Variants in CAMTA1 observed in about 807,000 individuals in gnomAD.
The protein encoded by CAMTA1 is calmodulin-binding transcription activator 1.
In CAMTA1, 27 loss-of-function variants were observed where a neutral mutation model predicts 170.9. That is an observed-to-expected ratio of 0.16 (90% CI 0.12 to 0.22). CAMTA1 has a LOEUF of 0.22. Among genes scored for constraint, CAMTA1 ranks in the 10% least tolerant of loss-of-function variants. The probability of loss-of-function intolerance (pLI) is 1.00; values close to 1 mark genes in which losing one functional copy is unlikely to be tolerated. For missense variants in CAMTA1, 1,619 were observed against 2,217.2 expected (o/e 0.73, Z 5.42); for synonymous variants, 833 against 891.5 (o/e 0.93, Z 1.17).
chr1:7,371,258 TG>T (rs2086446579), intron 5 of CAMTA1, among the ~76,000 whole-genome samples: 5 of 147,202 alleles, frequency 3.4e-5, no homozygotes, highest in Non-Finnish European at 6.0e-5. Context: ...TTTGTTTGTT[TG>T]TTTGTTTGTT....
At chr1:7,139,197 TATA>T (rs1020197123) in intron 4 of CAMTA1, among the ~76,000 whole-genome samples, 9 of 142,538 alleles carry the variant, frequency 6.3e-5, no homozygotes, top group East Asian at 2.0e-4. Flanking sequence ...AAATTATATT[TATA>T]ATATTTATAA....
chr1:7,310,644 CTTTT>C (rs752527605), intron 5 of CAMTA1, among the ~76,000 whole-genome samples: 1 of 61,346 alleles, frequency 1.6e-5, no homozygotes, highest in East Asian at 4.4e-4. Context: ...TTCTTTCTTT[CTTTT>C]TTCTTTCTTT....
intron 3 of CAMTA1, among the ~76,000 whole-genome samples, chr1:6,872,893 G>A (rs1668792563): frequency 6.6e-6 from 1 of 152,182 alleles, no homozygotes; most frequent in African/African-American, 2.4e-5. Flanking sequence ...CACAGCTGAA[G>A]CTGCTAAATG....
At chr1:7,336,197 C>G (rs2083373681) in intron 5 of CAMTA1, among the ~76,000 whole-genome samples, 1 of 152,184 alleles carries the variant, frequency 6.6e-6, no homozygotes. Flanking sequence ...AGTGAGCCCA[C>G]CTGGTCCCCC....
chr1:7,698,079 C>G (rs1035055878), intron 11 of CAMTA1, among the ~76,000 whole-genome samples: 6 of 139,128 alleles, frequency 4.3e-5, no homozygotes, highest in Middle Eastern at 3.5e-3. Flanking sequence ...CTGTGACCCC[C>G]CCCCCCCCCA....
intron 11 of CAMTA1, among the ~76,000 whole-genome samples, chr1:7,721,160 C>A (rs796484096): frequency 1.6e-4 from 24 of 152,268 alleles, no homozygotes; most frequent in African/African-American, 5.3e-4. Context: ...AGGAATGACA[C>A]CTAGGAAAAG....
intron 6 of CAMTA1, among the ~76,000 whole-genome samples, chr1:7,510,714 ACT>A (rs2094191814): frequency 1.4e-5 from 2 of 145,678 alleles, no homozygotes; most frequent in Non-Finnish European, 3.1e-5. Context: ...CTTTCCAGAA[ACT>A]CACATAAAAT....
chr1:7,182,908 A>G (rs1468362057), intron 4 of CAMTA1, among the ~76,000 whole-genome samples: 1 of 152,216 alleles, frequency 6.6e-6, no homozygotes, highest in Non-Finnish European at 1.5e-5. Context: ...AGATTGGCAA[A>G]CATGAAAAAG....
chr1:7,089,643 A>G (rs1641228608), intron 3 of CAMTA1, among the ~76,000 whole-genome samples: 1 of 148,972 alleles, frequency 6.7e-6, no homozygotes, highest in Non-Finnish European at 1.5e-5. Context: ...GTGCCTCAGG[A>G]CACTGTTAAG....
At chr1:7,428,535 C>T (rs2091986588) in intron 5 of CAMTA1, among the ~76,000 whole-genome samples, 1 of 152,084 alleles carries the variant, frequency 6.6e-6, no homozygotes, top group Non-Finnish European at 1.5e-5. Context: ...GATGCCTTCC[C>T]GCATAGGTGA....
chr1:7,415,019 C>T (rs1310135843), intron 5 of CAMTA1, among the ~76,000 whole-genome samples: 2 of 151,212 alleles, frequency 1.3e-5, no homozygotes, highest in African/African-American at 4.8e-5. Flanking sequence ...GTTATGTACC[C>T]AGTAGTCATT....
chr1:6,870,939 T>C (rs1668238873), intron 3 of CAMTA1, among the ~76,000 whole-genome samples: 1 of 152,244 alleles, frequency 6.6e-6, no homozygotes, highest in Non-Finnish European at 1.5e-5. Context: ...AACCATTAAT[T>C]ATAGTGCTTA....
intron 4 of CAMTA1, among the ~76,000 whole-genome samples, chr1:7,117,878 C>G (rs1644425935): frequency 6.6e-6 from 1 of 152,202 alleles, no homozygotes; most frequent in Non-Finnish European, 1.5e-5. Flanking sequence ...GCTGTCCCTA[C>G]CAGGCCTGCC....
rs1319233672 is a variant in CAMTA1, at chr1:7,245,201, GTA to G, written c.303-4276_303-4275del. Among the ~76,000 whole-genome samples, 735 of 146,922 alleles carry G rather than the reference GTA, an allele frequency of 5.0e-3. 4 individuals are homozygous for G. The highest frequency in any genetic ancestry group is 0.014 in the African/African-American group (547 of 40,044). On this transcript the variant is annotated intron_variant, in intron 4 of 22. Transcript: ENST00000303635. ...AAGATATATATATATATGTGTGTGT[GTA>G]TATATATATATATCACACACACACA...
At chr1:7,277,646 G>A (rs1046189022) in intron 5 of CAMTA1, among the ~76,000 whole-genome samples, 1 of 151,912 alleles carries the variant, frequency 6.6e-6, no homozygotes, top group Non-Finnish European at 1.5e-5. Flanking sequence ...CTTCTTTATG[G>A]TTTGAAAATG....
At chr1:6,788,081 T>C (rs915095736) in intron 1 of CAMTA1, among the ~76,000 whole-genome samples, 16 of 152,180 alleles carry the variant, frequency 1.1e-4, no homozygotes, top group African/African-American at 3.9e-4. Context: ...GGAACGTTAT[T>C]CTTCAAGTTC....
intron 6 of CAMTA1, among the ~76,000 whole-genome samples, chr1:7,558,344 A>G (rs907917618): frequency 6.6e-6 from 1 of 152,150 alleles, no homozygotes; most frequent in African/African-American, 2.4e-5. Flanking sequence ...CAAGGCCGCC[A>G]GGGTTGAAGG....
intron 5 of CAMTA1, among the ~76,000 whole-genome samples, chr1:7,363,763 G>A (rs879515196): frequency 3.9e-5 from 6 of 152,180 alleles, no homozygotes; most frequent in Non-Finnish European, 7.4e-5. Flanking sequence ...CTCTCCATGA[G>A]TGGAGTGTGG....
At chr1:7,708,090 G>T (rs1332942828) in intron 11 of CAMTA1, among the ~76,000 whole-genome samples, 2 of 152,152 alleles carry the variant, frequency 1.3e-5, no homozygotes, top group Admixed American at 1.3e-4. Context: ...TAGCACTTTG[G>T]GAGGCTGAGG....
Sources: gnomAD v4.1 joint callset for allele counts (sites outside exome capture counted in the v4.1 genomes callset) on GRCh38, gnomAD v4.1.1 for gene constraint, MANE v1.5 for transcripts, NCBI Gene and HGNC (gene_info 2026-07-23, HGNC 2026-07-21) for gene names.